The following ZMAT4 variants were observed in gnomAD, a reference collection of about 807,000 sequenced individuals.
The protein encoded by ZMAT4 is zinc finger matrin-type protein 4.
ZMAT4 carries 17 observed loss-of-function variants against 28.7 expected under a neutral mutation model. The observed-to-expected ratio is 0.59, with a 90% CI of 0.41 to 0.89. The LOEUF is 0.89. Among genes scored for constraint, ZMAT4 ranks in the 40% least tolerant of loss-of-function variants. The pLI is 0.00. For missense variants in ZMAT4, 240 were observed against 283.8 expected (o/e 0.85, Z 1.11); for synonymous variants, 117 against 109.2 (o/e 1.07, Z -0.44).
chr8:40,694,569 C>T (rs1373533927), intron 4 of ZMAT4, among the ~76,000 whole-genome samples: 1 of 152,138 alleles, frequency 6.6e-6, no homozygotes, highest in South Asian at 2.1e-4. Flanking sequence ...GCCTCCGATG[C>T]TGGTGCCATC....
intron 5 of ZMAT4, among the ~76,000 whole-genome samples, chr8:40,664,686 C>T (rs2599668): frequency 0.37 from 55,723 of 152,162 alleles, 10,772 homozygotes; most frequent in Middle Eastern, 0.44. Flanking sequence ...CCCAAATCCC[C>T]TCATGGAAAC....
At chr8:40,662,479 T>C (rs910700684) in intron 5 of ZMAT4, among the ~76,000 whole-genome samples, 3 of 152,188 alleles carry the variant, frequency 2.0e-5, no homozygotes, top group Non-Finnish European at 1.5e-5. Flanking sequence ...CATAAATGGA[T>C]GCAGTAGTGC....
At chr8:40,885,381 G>A (rs563705509) in intron 1 of ZMAT4, among the ~76,000 whole-genome samples, 2 of 151,816 alleles carry the variant, frequency 1.3e-5, no homozygotes, top group African/African-American at 2.4e-5. Flanking sequence ...CTCCCTCCCC[G>A]CTGTTACCAT....
At chr8:40,608,359 A>G (rs1805675008) in intron 5 of ZMAT4, among the ~76,000 whole-genome samples, 1 of 152,104 alleles carries the variant, frequency 6.6e-6, no homozygotes, top group African/African-American at 2.4e-5. Flanking sequence ...AATGGGGGAA[A>G]GCTGGCAGTG....
intron 5 of ZMAT4, chr8:40,674,321 T>A (rs192650243): frequency 1.1e-5 from 2 of 182,006 alleles, no homozygotes; most frequent in East Asian, 3.0e-4. Context: ...GTTGAACTCC[T>A]GACCTCAGGC....
intron 5 of ZMAT4, among the ~76,000 whole-genome samples, chr8:40,665,325 C>T (rs765583451): frequency 6.8e-4 from 103 of 152,198 alleles, no homozygotes; most frequent in Non-Finnish European, 1.2e-3. Context: ...ATACTACTTT[C>T]ATGATTTGAA....
intron 5 of ZMAT4, among the ~76,000 whole-genome samples, chr8:40,614,532 G>A (rs1352830232): frequency 6.6e-6 from 1 of 152,082 alleles, no homozygotes; most frequent in Non-Finnish European, 1.5e-5. Context: ...GGGTGTTAAA[G>A]TCTCCCATTA....
chr8:40,714,413 A>G (rs1434946243), intron 3 of ZMAT4, among the ~76,000 whole-genome samples: 2 of 152,228 alleles, frequency 1.3e-5, no homozygotes, highest in East Asian at 3.9e-4. Flanking sequence ...ACTGTGGTAT[A>G]GTCATATATT....
chr8:40,846,035 A>G (rs1022145402), intron 1 of ZMAT4, among the ~76,000 whole-genome samples: 6 of 152,102 alleles, frequency 3.9e-5, no homozygotes, highest in Non-Finnish European at 7.4e-5. Context: ...CATCTCTACC[A>G]CAGCCTTCCC....
chr8:40,720,769 G>GC (rs1373362035), intron 3 of ZMAT4, among the ~76,000 whole-genome samples: 4 of 151,618 alleles, frequency 2.6e-5, no homozygotes, highest in African/African-American at 9.7e-5. Flanking sequence ...CAAGTAATCC[G>GC]CCCACCTCAG....
rs558704075 is a variant in ZMAT4 at position 40,585,225 on chromosome 8, T to C, written c.578-3964A>G. ...CCATTTAATTATGAGAAAAGAACAA[T>C]GAAACCACAAATATCTGGGATGTTC... is the stretch of plus-strand genomic sequence containing the variant. On this transcript the variant is annotated intron_variant, in intron 5 of 6. Coordinates refer to ENST00000297737, the MANE Select transcript of ZMAT4 (RefSeq NM_024645.3). Among the ~76,000 whole-genome samples, 58 of 152,264 alleles carry C rather than the reference T, an allele frequency of 3.8e-4. 2 individuals are homozygous for C. Among genetic ancestry groups the C allele is most frequent in the East Asian group, 1.4e-3 (7 of 5,176 alleles).
At chr8:40,853,335 C>G (rs1817181649) in intron 1 of ZMAT4, among the ~76,000 whole-genome samples, 1 of 152,100 alleles carries the variant, frequency 6.6e-6, no homozygotes, top group Admixed American at 6.6e-5. Context: ...GCCAGGTGAA[C>G]CATGAGGTCA....
intron 6 of ZMAT4, among the ~76,000 whole-genome samples, chr8:40,538,037 CT>C (rs1178609306): frequency 6.6e-6 from 1 of 152,170 alleles, no homozygotes; most frequent in Non-Finnish European, 1.5e-5. Flanking sequence ...AGCCAGGGCT[CT>C]TTTAAAATTT....
intron 6 of ZMAT4, among the ~76,000 whole-genome samples, chr8:40,554,599 T>C (rs1803469862): frequency 1.3e-5 from 2 of 152,174 alleles, no homozygotes; most frequent in Admixed American, 1.3e-4. Flanking sequence ...TTTTTATCTA[T>C]GAATAAAATA....
At chr8:40,597,462 G>A (rs1274762723) in intron 5 of ZMAT4, among the ~76,000 whole-genome samples, 1 of 152,146 alleles carries the variant, frequency 6.6e-6, no homozygotes, top group Non-Finnish European at 1.5e-5. Flanking sequence ...TCTGTGTGGG[G>A]GTCGCCCTCA....
intron 3 of ZMAT4, among the ~76,000 whole-genome samples, chr8:40,754,540 A>AT (rs199953341): frequency 0.011 from 1,599 of 152,144 alleles, 27 homozygotes; most frequent in African/African-American, 0.036. Context: ...GAGTTCTACT[A>AT]TTTTTTTTCA....
chr8:40,692,113 C>A (rs1426589411), intron 4 of ZMAT4, among the ~76,000 whole-genome samples: 1 of 152,146 alleles, frequency 6.6e-6, no homozygotes, highest in Non-Finnish European at 1.5e-5. Flanking sequence ...ACACATCGAA[C>A]AAGTATTAAT....
intron 6 of ZMAT4, among the ~76,000 whole-genome samples, chr8:40,567,788 A>T (rs894248751): frequency 6.6e-6 from 1 of 152,182 alleles, no homozygotes; most frequent in Non-Finnish European, 1.5e-5. Context: ...ACAGTGTTTA[A>T]CACTTAAAGA....
intron 6 of ZMAT4, among the ~76,000 whole-genome samples, chr8:40,532,857 A>G (rs939077029): frequency 2.0e-5 from 3 of 151,956 alleles, no homozygotes; most frequent in Admixed American, 6.6e-5. Flanking sequence ...TTAGCTGGGC[A>G]TGGTAGCATG....
Sources: allele counts gnomAD v4.1 joint callset (sites outside exome capture counted in the v4.1 genomes callset), GRCh38; gene constraint gnomAD v4.1.1; transcripts MANE v1.5; gene names NCBI Gene and HGNC (gene_info 2026-07-23, HGNC 2026-07-21).